The following RSU1 variants were observed in gnomAD, a reference collection of about 807,000 sequenced individuals.
The protein encoded by RSU1 is rsu-1.
A neutral mutation model predicts 31.1 loss-of-function variants in RSU1; 26 were observed. The observed-to-expected ratio is 0.84, with a 90% confidence interval of 0.61 to 1.16. The LOEUF is 1.16. Among genes scored for constraint, RSU1 ranks in the 50% most tolerant of loss-of-function variants. RSU1 has a pLI of 0.00. For synonymous variants in RSU1, 164 were observed against 136.3 expected (o/e 1.20, Z -1.41); for missense variants, 320 against 339.1 (o/e 0.94, Z 0.44).
chr10:16,786,148 C>T (rs955529402), intron 2 of RSU1, among the ~76,000 whole-genome samples: 1 of 152,192 alleles, frequency 6.6e-6, no homozygotes, highest in Admixed American at 6.5e-5. Context: ...TCCTACATCA[C>T]GCAAGGCAGC....
At chr10:16,725,202 A>T (rs1374844528) in intron 7 of RSU1, among the ~76,000 whole-genome samples, 2 of 152,178 alleles carry the variant, frequency 1.3e-5, no homozygotes, top group Non-Finnish European at 2.9e-5. Flanking sequence ...ATGGGAGAAG[A>T]GAGAGAGAAT....
intron 7 of RSU1, among the ~76,000 whole-genome samples, chr10:16,705,913 A>G (rs914483530): frequency 1.3e-5 from 2 of 152,136 alleles, no homozygotes; most frequent in Non-Finnish European, 2.9e-5. Context: ...AGTAGCTGGG[A>G]TTATAGGCAC....
At chr10:16,782,530 G>C (rs1837675667) in intron 2 of RSU1, among the ~76,000 whole-genome samples, 1 of 152,128 alleles carries the variant, frequency 6.6e-6, no homozygotes, top group Non-Finnish European at 1.5e-5. Context: ...ACTTTATCTA[G>C]CAGAAGGCCG....
intron 2 of RSU1, among the ~76,000 whole-genome samples, chr10:16,792,434 C>A (rs3780966): frequency 6.6e-6 from 1 of 152,084 alleles, no homozygotes; most frequent in East Asian, 1.9e-4. Flanking sequence ...GGTTTCATTA[C>A]GTCGGCCAAG....
At chr10:16,707,966 G>T (rs1054883863) in intron 7 of RSU1, among the ~76,000 whole-genome samples, 1 of 152,136 alleles carries the variant, frequency 6.6e-6, no homozygotes, top group Admixed American at 6.6e-5. Context: ...ATTTACTAAA[G>T]AGATTTGTCT....
chr10:16,714,047 C>T (rs1836075652), intron 7 of RSU1, among the ~76,000 whole-genome samples: 1 of 152,106 alleles, frequency 6.6e-6, no homozygotes, highest in Admixed American at 6.5e-5. Context: ...GGGTGTTGGG[C>T]TGGCTGTTGG....
chr10:16,762,055 T>C (rs1837220621), intron 4 of RSU1, among the ~76,000 whole-genome samples: 1 of 152,032 alleles, frequency 6.6e-6, no homozygotes, highest in Non-Finnish European at 1.5e-5. Context: ...CGCCAGCATA[T>C]CTGTGACCTC....
intron 8 of RSU1, among the ~76,000 whole-genome samples, chr10:16,606,527 C>T (rs1302899590): frequency 5.9e-5 from 9 of 152,130 alleles, no homozygotes; most frequent in Admixed American, 6.6e-5. Context: ...TCTGGCCTCA[C>T]GAGGCTCCTA....
intron 8 of RSU1, among the ~76,000 whole-genome samples, chr10:16,672,206 A>G (rs188295395): frequency 3.3e-5 from 5 of 151,268 alleles, no homozygotes; most frequent in Middle Eastern, 3.4e-3. Context: ...GCTACTCAGG[A>G]GGCTGAGGCA....
At chr10:16,685,255 C>A (rs1442854801) in intron 8 of RSU1, among the ~76,000 whole-genome samples, 1 of 152,106 alleles carries the variant, frequency 6.6e-6, no homozygotes, top group African/African-American at 2.4e-5. Flanking sequence ...GTCTCAAAAC[C>A]AAACAACACC....
chr10:16,755,068 GA>G, intron 4 of RSU1, 79 bp from the exon 5 acceptor site: 1 of 781,248 alleles, frequency 1.3e-6, no homozygotes, highest in Non-Finnish European at 2.2e-6. Context: ...CTCTGTTTCA[GA>G]CGCTGAAAGT....
At chr10:16,668,030 G>T (rs1166630829) in intron 8 of RSU1, among the ~76,000 whole-genome samples, 1 of 152,200 alleles carries the variant, frequency 6.6e-6, no homozygotes, top group African/African-American at 2.4e-5. Flanking sequence ...ATAACTGGTA[G>T]ACTAGGACTG....
At chr10:16,803,937 T>C (rs560767056) in intron 2 of RSU1, among the ~76,000 whole-genome samples, 1 of 152,280 alleles carries the variant, frequency 6.6e-6, no homozygotes. Context: ...ACTTCTTAGA[T>C]ACAATACCAA....
chr10:16,657,201 G>C (rs562863439), intron 8 of RSU1, among the ~76,000 whole-genome samples: 1 of 152,188 alleles, frequency 6.6e-6, no homozygotes, highest in East Asian at 1.9e-4. Flanking sequence ...TTCAGATCTA[G>C]TTCACTGCTA....
intron 2 of RSU1, among the ~76,000 whole-genome samples, chr10:16,812,994 T>C (rs1158746665): frequency 2.0e-5 from 3 of 151,950 alleles, no homozygotes; most frequent in Non-Finnish European, 1.5e-5. Flanking sequence ...GCTTTTTTTT[T>C]TTTTTAAGAG....
intron 7 of RSU1, among the ~76,000 whole-genome samples, chr10:16,712,088 C>CTT (rs1836032322): frequency 6.6e-6 from 1 of 151,932 alleles, no homozygotes; most frequent in Admixed American, 6.6e-5. Context: ...ACATAATGAC[C>CTT]TTTTTTCTTT....
At chr10:16,701,885 C>G (rs1835801480) in intron 7 of RSU1, among the ~76,000 whole-genome samples, 1 of 152,236 alleles carries the variant, frequency 6.6e-6, no homozygotes. Context: ...GTGCCATCCT[C>G]AACAGTCACC....
At chr10:16,655,279 G>A (rs1253805008) in intron 8 of RSU1, among the ~76,000 whole-genome samples, 6 of 152,248 alleles carry the variant, frequency 3.9e-5, no homozygotes, top group Non-Finnish European at 7.4e-5. Flanking sequence ...CAAAACCACT[G>A]CTAATATTTG....
At chr10:16,621,234 G>T (rs1250292549) in intron 8 of RSU1, among the ~76,000 whole-genome samples, 1 of 152,116 alleles carries the variant, frequency 6.6e-6, no homozygotes, top group Admixed American at 6.5e-5. Context: ...GGAGATCAGG[G>T]ATGCCACTGA....
Sources: gnomAD v4.1 joint callset for allele counts (sites outside exome capture counted in the v4.1 genomes callset) on GRCh38, gnomAD v4.1.1 for gene constraint, MANE v1.5 for transcripts, NCBI Gene and HGNC (gene_info 2026-07-23, HGNC 2026-07-21) for gene names.